The following UNC45B variants were observed in gnomAD, a reference collection of about 807,000 sequenced individuals.
UNC45B encodes protein unc-45 homolog B.
UNC45B carries 78 observed loss-of-function variants against 98.7 expected under a neutral mutation model. The observed-to-expected ratio is 0.79, with a 90% CI of 0.66 to 0.95. The LOEUF is 0.95. Ranked by LOEUF, UNC45B falls within the 40% of genes least tolerant of loss-of-function variation. The probability of loss-of-function intolerance (pLI) is 0.00; values close to 1 mark genes in which losing one functional copy is unlikely to be tolerated. For synonymous variants in UNC45B, 462 were observed against 480.4 expected (o/e 0.96, Z 0.50); for missense variants, 1,225 against 1,184.9 (o/e 1.03, Z -0.50).
chr17:35,163,900 GGA>G (rs2092119733), intron 8 of UNC45B, 93 bp from the exon 9 acceptor site: 1 of 1,356,680 alleles, frequency 7.4e-7, no homozygotes. Flanking sequence ...AGACAGGGCT[GGA>G]GAGAAGCTGA....
At chr17:35,155,093 G>A (rs2142536909) in intron 6 of UNC45B, among the ~76,000 whole-genome samples, 1 of 152,294 alleles carries the variant, frequency 6.6e-6, no homozygotes, top group South Asian at 2.1e-4. Context: ...GTATTGGATG[G>A]CACAGCTCTG....
intron 9 of UNC45B, among the ~76,000 whole-genome samples, chr17:35,166,610 G>C (rs149081568): frequency 2.1e-4 from 32 of 152,302 alleles, no homozygotes; most frequent in African/African-American, 7.7e-4. Context: ...CGCTTCATCA[G>C]GGGCGGGGGC....
chr17:35,160,136 T>A (rs1224028311), intron 8 of UNC45B, among the ~76,000 whole-genome samples: 2 of 152,102 alleles, frequency 1.3e-5, no homozygotes, highest in Non-Finnish European at 2.9e-5. Flanking sequence ...TGTGGTCACA[T>A]TACATGAATG....
At position 35,150,045 on chromosome 17, in the gene UNC45B, T is replaced by C. The variant is rs201352755; in HGVS notation, c.206-3T>C. The C allele has an allele frequency of 6.1e-5, 98 of 1,596,564 alleles. No individual in the cohort carries two copies. In the African/African-American group the frequency reaches 1.2e-3, roughly 19 times the overall value. On this transcript the variant is annotated splice_region_variant and splice_polypyrimidine_tract_variant and intron_variant, in intron 3 of 19. Transcript: ENST00000394570. ...GTCCTCATCCCCCGTCTCCCCTCGA[T>C]AGCCATCGACATCAACTCCTCGGAC...
chr17:35,159,636 A>C, intron 8 of UNC45B, 91 bp downstream of exon 8: 9 of 1,411,508 alleles, frequency 6.4e-6, no homozygotes, highest in Non-Finnish European at 8.7e-6. Flanking sequence ...AGGCTCTTGA[A>C]GGGGTCTTCA....
chr17:35,168,404 C>T (rs367755963), intron 10 of UNC45B, 43 bp downstream of exon 10: 15 of 1,306,290 alleles, frequency 1.1e-5, no homozygotes, highest in African/African-American at 6.0e-5. Flanking sequence ...TACAAGGTGC[C>T]ATGCCAGGCA....
In UNC45B at chr17:35,174,343, T is replaced by C. The variant is rs750534231; in HGVS notation, c.1932T>C (p.Thr644=). ...TGAAAGCAGATAGTGCCATCCTCAC[T>C]GACCAGACCAAGGAGCTGCTGGCCA... The part of the protein sequence containing the change: ...CMVKADSAIL[T]DQTKELLARV... The change falls in exon 14 of 20, where the codon ACT becomes ACC. Residue 644 remains threonine (T), a synonymous_variant. Transcript: ENST00000394570. The C allele has an allele frequency of 4.3e-6, 7 of 1,614,040 alleles. No individual in the cohort carries two copies. The highest frequency in any genetic ancestry group is 4.5e-5 in the East Asian group (2 of 44,882).
At chr17:35,171,610 G>A (rs2092187678) in intron 13 of UNC45B, 148 bp downstream of exon 13, 2 of 867,006 alleles carry the variant, frequency 2.3e-6, no homozygotes, top group Non-Finnish European at 3.3e-6. Flanking sequence ...ATATGTTAAT[G>A]GTAAACTTTC....
rs183214174 is a variant in UNC45B at position 35,159,529 on chromosome 17, C to A, written c.963C>A (p.Ile321=). ...DLAIHDNSRT[I]YVVDNGLRKI... ...CCATTCATGACAACTCACGTACCAT[C>A]TATGTGGTGGATAATGGTGAGAAGA... is the stretch of plus-strand genomic sequence containing the variant. Residue 321 remains isoleucine, a synonymous_variant, in exon 8 of 20, where the codon ATC becomes ATA. Coordinates refer to ENST00000394570, the MANE Select transcript of UNC45B (RefSeq NM_001267052.2). 186 of 1,613,904 alleles carry A rather than the reference C, an allele frequency of 1.2e-4. 1 individual carries two copies. The East Asian group carries it at 3.9e-3, about 34-fold the overall frequency.
rs2092172991 is a variant in UNC45B at position 35,170,137 on chromosome 17, A to G, written c.1571A>G (p.Asp524Gly). 6.2e-7 allele frequency: 1 copy of G among 1,612,858 alleles called. No individual in the cohort carries two copies. Among genetic ancestry groups the G allele is most frequent in the Non-Finnish European group, 8.5e-7 (1 of 1,179,394 alleles). ...CRKWLCNMSI[D>G]TRTRRWAVEG... ...AGGTGGCTGTGCAATATGTCCATAG[A>G]CACTCGGACCCGACGCTGGGCAGTG... The change falls in exon 12 of 20, where the codon GAC (aspartate) becomes GGC (glycine). Residue 524 changes from aspartate to glycine, a missense_variant. By Grantham distance (94) the Asp-to-Gly change is moderately conservative (BLOSUM62 -1). Coordinates refer to ENST00000394570, the MANE Select transcript of UNC45B (RefSeq NM_001267052.2).
intron 19 of UNC45B, among the ~76,000 whole-genome samples, chr17:35,184,778 C>T (rs1001045060): frequency 7.2e-5 from 11 of 152,158 alleles, no homozygotes; most frequent in Non-Finnish European, 5.9e-5. Flanking sequence ...GTCTTCCTTG[C>T]GGGGCTCAGA....
intron 7 of UNC45B, among the ~76,000 whole-genome samples, chr17:35,159,083 A>C (rs1186646271): frequency 6.6e-6 from 1 of 152,210 alleles, no homozygotes; most frequent in Non-Finnish European, 1.5e-5. Flanking sequence ...GATCTCTGCC[A>C]GTCACTGGTA....
intron 8 of UNC45B, among the ~76,000 whole-genome samples, chr17:35,160,718 G>A (rs1283340681): frequency 1.3e-5 from 2 of 152,188 alleles, no homozygotes; most frequent in South Asian, 2.1e-4. Context: ...AATTACAGGC[G>A]CGAGCCATGG....
chr17:35,177,680 A>C, intron 17 of UNC45B, 70 bp downstream of exon 17: 1 of 1,160,632 alleles, frequency 8.6e-7, no homozygotes. Context: ...ATTTCACATA[A>C]TGTGCTGAGA....
At chr17:35,178,426 T>C (rs543652755) in intron 17 of UNC45B, among the ~76,000 whole-genome samples, 23 of 152,366 alleles carry the variant, frequency 1.5e-4, no homozygotes, top group South Asian at 8.3e-4. Context: ...TCTTTGTAGA[T>C]TCTGGATATT....
chr17:35,152,823 G>C (rs1011952724), intron 4 of UNC45B, 70 bp from the exon 5 acceptor site: 59 of 1,162,398 alleles, frequency 5.1e-5, no homozygotes, highest in Non-Finnish European at 7.4e-5. Context: ...TTACTGAGAT[G>C]AACTGAATGT....
At chr17:35,176,964 C>T (rs557616209) in intron 15 of UNC45B, 53 bp from the exon 16 acceptor site, 89 of 1,450,922 alleles carry the variant, frequency 6.1e-5, no homozygotes, top group African/African-American at 5.6e-4. Context: ...GGAGGATAGG[C>T]GAGAAGCCTC....
rs1362057901 is a variant in UNC45B, at chr17:35,175,966, A to G, written c.1959-2A>G. Reference sequence around the variant, plus strand: ...TGTTCTCCTTTCTTCTCGGTCCCACAGGGTATTCCTGGCACTGTGTGACAA... The same window carrying G: ...TGTTCTCCTTTCTTCTCGGTCCCACGGGGTATTCCTGGCACTGTGTGACAA... On this transcript the variant is annotated splice_acceptor_variant, in intron 14 of 19. Coordinates refer to ENST00000394570, the MANE Select transcript of UNC45B (RefSeq NM_001267052.2). LOFTEE classifies it high-confidence loss of function. 1.2e-6 allele frequency: 2 copies of G among 1,613,838 alleles called. No homozygotes were observed. Among genetic ancestry groups the G allele is most frequent in the South Asian group, 1.1e-5 (1 of 91,036 alleles).
In UNC45B at chr17:35,155,283, G is replaced by T; in HGVS notation, c.640-13G>T. On this transcript the variant is annotated splice_polypyrimidine_tract_variant and intron_variant, in intron 6 of 19. Coordinates refer to ENST00000394570, the MANE Select transcript of UNC45B (RefSeq NM_001267052.2). Reference sequence around the variant, plus strand: ...GGCAAGGCAGCTGACCATGGTTCTTGCTGGGGTTCTAGGCCACAGTGATTC... The same window carrying T: ...GGCAAGGCAGCTGACCATGGTTCTTTCTGGGGTTCTAGGCCACAGTGATTC... 6.2e-7 allele frequency: 1 copy of T among 1,612,440 alleles called. No individual in the cohort carries two copies. Among genetic ancestry groups the T allele is most frequent in the African/African-American group, 1.3e-5 (1 of 75,034 alleles).
Sources: allele counts gnomAD v4.1 joint callset (sites outside exome capture counted in the v4.1 genomes callset), GRCh38; gene constraint gnomAD v4.1.1; transcripts MANE v1.5; gene names NCBI Gene and HGNC (gene_info 2026-07-23, HGNC 2026-07-21).